The following RELN variants were observed in gnomAD, a reference collection of about 807,000 sequenced individuals.
The protein encoded by RELN is reelin.
Under a neutral mutation model 427.6 loss-of-function variants are expected in RELN, and 108 were observed. That is an observed-to-expected ratio of 0.25 (90% CI 0.22 to 0.30). RELN has a LOEUF of 0.30. Ranked by LOEUF, RELN falls within the 10% of genes least tolerant of loss-of-function variation. The pLI is 1.00. For missense variants in RELN, 3,715 were observed against 4,302.8 expected (o/e 0.86, Z 3.82); for synonymous variants, 1,524 against 1,513.4 (o/e 1.01, Z -0.16).
intron 3 of RELN, among the ~76,000 whole-genome samples, chr7:103,787,755 AT>A (rs1266876179): frequency 1.3e-5 from 2 of 152,232 alleles, no homozygotes; most frequent in African/African-American, 4.8e-5. Context: ...TACCAGAGGT[AT>A]AAAGAGGAGC....
chr7:103,575,744 A>G (rs746260366), intron 28 of RELN, 39 bp from the exon 29 acceptor site: 20 of 1,609,786 alleles, frequency 1.2e-5, no homozygotes, highest in Non-Finnish European at 1.6e-5. Context: ...TTGTACCAAC[A>G]TCTCATATCA....
intron 9 of RELN, among the ~76,000 whole-genome samples, chr7:103,699,291 C>T (rs1315950050): frequency 1.3e-5 from 2 of 152,110 alleles, no homozygotes; most frequent in East Asian, 3.9e-4. Flanking sequence ...AAAATTGTCA[C>T]CATAGGTTAT....
At chr7:103,545,392 A>G in intron 41 of RELN, 48 bp from the exon 42 acceptor site, 1 of 1,268,526 alleles carries the variant, frequency 7.9e-7, no homozygotes, top group Non-Finnish European at 1.1e-6. Context: ...AGAACAATAT[A>G]CCTTCAAAGT....
chr7:103,712,451 T>C (rs1328236772), intron 8 of RELN, among the ~76,000 whole-genome samples: 6 of 152,212 alleles, frequency 3.9e-5, no homozygotes, highest in Non-Finnish European at 7.3e-5. Context: ...ATAACAGCCA[T>C]ATAGGTCCAT....
intron 2 of RELN, among the ~76,000 whole-genome samples, chr7:103,867,258 T>C (rs954260044): frequency 6.6e-6 from 1 of 152,070 alleles, no homozygotes; most frequent in Non-Finnish European, 1.5e-5. Flanking sequence ...CGTGAAACAG[T>C]ACCTTCATTT....
chr7:103,481,129 A>G (rs1263621856), intron 63 of RELN, among the ~76,000 whole-genome samples: 3 of 152,166 alleles, frequency 2.0e-5, no homozygotes, highest in Non-Finnish European at 2.9e-5. Context: ...GGTTGCTTTT[A>G]CACTGGCTGG....
At chr7:103,590,236 C>T (rs1831378092) in intron 27 of RELN, among the ~76,000 whole-genome samples, 1 of 152,138 alleles carries the variant, frequency 6.6e-6, no homozygotes, top group Admixed American at 6.5e-5. Context: ...AACAAGCATC[C>T]TCCTTCTGTT....
chr7:103,865,870 T>C (rs1794186049), intron 2 of RELN, among the ~76,000 whole-genome samples: 1 of 152,172 alleles, frequency 6.6e-6, no homozygotes, highest in Non-Finnish European at 1.5e-5. Context: ...ACCTCTTCTA[T>C]TCAACACAGT....
At chr7:103,887,672 G>A (rs1794754905) in intron 2 of RELN, among the ~76,000 whole-genome samples, 1 of 152,092 alleles carries the variant, frequency 6.6e-6, no homozygotes, top group South Asian at 2.1e-4. Flanking sequence ...GGTCAGACAT[G>A]AGATCAACAC....
At chr7:103,597,274 A>G (rs1207611792) in intron 24 of RELN, among the ~76,000 whole-genome samples, 1 of 152,154 alleles carries the variant, frequency 6.6e-6, no homozygotes. Context: ...GCATTAAAGT[A>G]GACCAGGCAA....
rs543207129 is a variant in RELN at position 103,793,625 on chromosome 7, T to C, written c.474-16998A>G. Among the ~76,000 whole-genome samples the C allele has an allele frequency of 3.9e-4, 60 of 152,294 alleles. No homozygotes were observed. The South Asian group carries it at 0.012, about 29-fold the overall frequency. ...AGTAAAAGTTCCAGCACAAGTCTAATAAGAAACTTTAGAGGCTAGTGAAAA... is the reference window on the plus strand; with the variant it reads ...AGTAAAAGTTCCAGCACAAGTCTAACAAGAAACTTTAGAGGCTAGTGAAAA... On this transcript the variant is annotated intron_variant, in intron 3 of 64. Coordinates refer to ENST00000428762, the MANE Select transcript of RELN (RefSeq NM_005045.4).
In RELN at chr7:103,611,416, A is replaced by C. The variant is rs362644; in HGVS notation, c.2895+195T>G. ...CTTTTTTATTTCCAATTATTCTTTA[A>C]TATCTGTCATGAAGAATGTGGCATT... On this transcript the variant is annotated intron_variant, in intron 21 of 64. Coordinates refer to ENST00000428762, the MANE Select transcript of RELN (RefSeq NM_005045.4). Among the ~76,000 whole-genome samples the C allele has an allele frequency of 0.58, 88,368 of 151,970 alleles. 26,095 individuals are homozygous for C. Among genetic ancestry groups the C allele is most frequent in the East Asian group, 0.71 (3,661 of 5,172 alleles).
At chr7:103,895,229 A>C (rs561319280) in intron 2 of RELN, among the ~76,000 whole-genome samples, 27 of 152,226 alleles carry the variant, frequency 1.8e-4, no homozygotes, top group African/African-American at 6.3e-4. Context: ...AGGGCTGTAC[A>C]TCTTCTGGGC....
intron 51 of RELN, among the ~76,000 whole-genome samples, chr7:103,504,118 C>T (rs959613148): frequency 1.6e-4 from 24 of 152,200 alleles, no homozygotes; most frequent in African/African-American, 5.8e-4. Flanking sequence ...GCAGGAGAAT[C>T]GTCTGAACCC....
intron 2 of RELN, among the ~76,000 whole-genome samples, chr7:103,845,293 T>C (rs1036658446): frequency 1.3e-5 from 2 of 152,106 alleles, no homozygotes; most frequent in African/African-American, 4.8e-5. Context: ...TGGGTTCAAG[T>C]GATTCTCAGG....
intron 8 of RELN, among the ~76,000 whole-genome samples, chr7:103,711,265 G>A (rs1172940706): frequency 6.6e-6 from 1 of 152,164 alleles, no homozygotes; most frequent in South Asian, 2.1e-4. Flanking sequence ...TTTGGAATGT[G>A]TAACTTTGTA....
At chr7:103,770,996 C>T (rs2116178717) in intron 4 of RELN, among the ~76,000 whole-genome samples, 1 of 148,066 alleles carries the variant, frequency 6.8e-6, no homozygotes, top group South Asian at 2.1e-4. Flanking sequence ...CTCACTGCAA[C>T]CTCTGCCTCC....
At chr7:103,790,913 A>T (rs1216380927) in intron 3 of RELN, among the ~76,000 whole-genome samples, 1 of 152,120 alleles carries the variant, frequency 6.6e-6, no homozygotes, top group Non-Finnish European at 1.5e-5. Flanking sequence ...AGTGTGCCAG[A>T]TCGCGCCACT....
intron 49 of RELN, among the ~76,000 whole-genome samples, chr7:103,516,943 T>C (rs1829580589): frequency 6.6e-6 from 1 of 152,174 alleles, no homozygotes; most frequent in Non-Finnish European, 1.5e-5. Context: ...TTTATACAAC[T>C]TGAATTTTAA....
Sources: gnomAD v4.1 joint callset for allele counts (sites outside exome capture counted in the v4.1 genomes callset) on GRCh38, gnomAD v4.1.1 for gene constraint, MANE v1.5 for transcripts, NCBI Gene and HGNC (gene_info 2026-07-23, HGNC 2026-07-21) for gene names.